CDH13: variants seen among roughly 807,000 people sequenced by gnomAD.
CDH13 encodes the protein cadherin-13.
In CDH13, 24 loss-of-function variants were observed where a neutral mutation model predicts 63.8. That is an observed-to-expected ratio of 0.38 (90% CI 0.27 to 0.53). The LOEUF is 0.53. Among genes scored for constraint, CDH13 ranks in the 20% least tolerant of loss-of-function variants. The probability of loss-of-function intolerance (pLI) is 0.85; values close to 1 mark genes in which losing one functional copy is unlikely to be tolerated. For synonymous variants in CDH13, 503 were observed against 355.3 expected (o/e 1.42, Z -4.67); for missense variants, 1,049 against 903.1 (o/e 1.16, Z -2.07).
intron 2 of CDH13, among the ~76,000 whole-genome samples, chr16:82,950,807 C>CTTTT (rs67534843): frequency 0.11 from 14,090 of 131,698 alleles, 810 homozygotes; most frequent in South Asian, 0.14. Flanking sequence ...ACTCCCACAT[C>CTTTT]TTTTTTTTTT....
At chr16:83,255,206 A>G (rs1001865634) in intron 5 of CDH13, among the ~76,000 whole-genome samples, 3 of 152,182 alleles carry the variant, frequency 2.0e-5, no homozygotes, top group Non-Finnish European at 4.4e-5. Flanking sequence ...TGTGCCAAGT[A>G]TGGGCACATT....
chr16:82,962,541 G>C (rs1205921081), intron 2 of CDH13, among the ~76,000 whole-genome samples: 1 of 152,210 alleles, frequency 6.6e-6, no homozygotes, highest in Non-Finnish European at 1.5e-5. Context: ...GGGTCCATGA[G>C]AAGGGATAGG....
chr16:83,170,838 G>A (rs1329568401), intron 4 of CDH13, among the ~76,000 whole-genome samples: 3 of 152,194 alleles, frequency 2.0e-5, no homozygotes, highest in Non-Finnish European at 1.5e-5. Context: ...TTTTCAACAT[G>A]AGTGACCCTT....
chr16:82,666,360 C>T (rs1912582836), intron 1 of CDH13, among the ~76,000 whole-genome samples: 1 of 152,196 alleles, frequency 6.6e-6, no homozygotes, highest in South Asian at 2.1e-4. Flanking sequence ...CTTTCAAAGG[C>T]AAGGTACCTG....
intron 2 of CDH13, among the ~76,000 whole-genome samples, chr16:83,027,091 A>G (rs951949994): frequency 6.8e-6 from 1 of 147,006 alleles, no homozygotes; most frequent in African/African-American, 2.5e-5. Flanking sequence ...TGCTCACAGC[A>G]CAGAAGGGAG....
chr16:83,279,296 C>G (rs186808108), intron 5 of CDH13, among the ~76,000 whole-genome samples: 216 of 152,088 alleles, frequency 1.4e-3, no homozygotes, highest in African/African-American at 4.9e-3. Flanking sequence ...ATTTCATCCC[C>G]GAGGATTTGT....
rs189586072 is a variant in CDH13 at position 82,971,870 on chromosome 16, C to T, written c.158-60140C>T. Among the ~76,000 whole-genome samples, 131 of 152,206 alleles carry T rather than the reference C, an allele frequency of 8.6e-4. 1 individual carries two copies. Among genetic ancestry groups the T allele is most frequent in the Admixed American group, 1.1e-3 (17 of 15,288 alleles). ...CTTTTGAATCCCAGACTTGCAGGGA[C>T]GGATTCTGCATGGCCTGTACCCTTG... On this transcript the variant is annotated intron_variant, in intron 2 of 13. Transcript: ENST00000567109.
intron 3 of CDH13, among the ~76,000 whole-genome samples, chr16:83,081,355 G>A (rs1461639508): frequency 6.6e-6 from 1 of 152,140 alleles, no homozygotes; most frequent in African/African-American, 2.4e-5. Context: ...TTGAAGACGG[G>A]CATTGAACAC....
At chr16:83,079,174 G>C (rs72796257) in intron 3 of CDH13, among the ~76,000 whole-genome samples, 18,840 of 152,210 alleles carry the variant, frequency 0.12, 1,407 homozygotes, top group Non-Finnish European at 0.16. Context: ...GTTTATAGCA[G>C]TTTTCTACAG....
chr16:82,772,486 G>C (rs148892380), intron 1 of CDH13, among the ~76,000 whole-genome samples: 1 of 152,272 alleles, frequency 6.6e-6, no homozygotes, highest in Non-Finnish European at 1.5e-5. Context: ...AGAGGGAGGG[G>C]AACATGCTGG....
chr16:83,116,105 A>T (rs1352817633), intron 3 of CDH13, among the ~76,000 whole-genome samples: 2 of 152,204 alleles, frequency 1.3e-5, no homozygotes, highest in East Asian at 1.9e-4. Flanking sequence ...GCAGGGACAG[A>T]CAAAACTTGG....
At chr16:82,859,543 G>C (rs377693511) in intron 2 of CDH13, 1 of 151,768 alleles carries the variant, frequency 6.6e-6, no homozygotes, top group Non-Finnish European at 1.5e-5. Context: ...GGGTGACAGA[G>C]CGAGACTGTG....
intron 4 of CDH13, 99 bp from the exon 5 acceptor site, chr16:83,217,246 G>C: frequency 8.4e-7 from 1 of 1,184,870 alleles, no homozygotes. Flanking sequence ...CCATGTGCTG[G>C]CACCTGTGAT....
At chr16:82,964,101 G>C (rs1316808587) in intron 2 of CDH13, among the ~76,000 whole-genome samples, 1 of 152,158 alleles carries the variant, frequency 6.6e-6, no homozygotes, top group Admixed American at 6.5e-5. Flanking sequence ...CGCTGGAACA[G>C]GAGCACACGC....
intron 2 of CDH13, among the ~76,000 whole-genome samples, chr16:82,967,230 C>T (rs531444380): frequency 6.6e-6 from 1 of 152,054 alleles, no homozygotes; most frequent in African/African-American, 2.4e-5. Flanking sequence ...CATGGCTTTA[C>T]CCCATCACAT....
chr16:82,783,657 A>G (rs1880474162), intron 1 of CDH13, among the ~76,000 whole-genome samples: 2 of 152,216 alleles, frequency 1.3e-5, no homozygotes, highest in African/African-American at 2.4e-5. Flanking sequence ...TTGCTTGTTC[A>G]ATGAGATTCT....
At chr16:83,121,977 C>CAT (rs1203573414) in intron 3 of CDH13, among the ~76,000 whole-genome samples, 1 of 151,878 alleles carries the variant, frequency 6.6e-6, no homozygotes. Flanking sequence ...CACACACACA[C>CAT]ACACACACAC....
At chr16:83,378,302 C>T (rs1047923863) in intron 6 of CDH13, among the ~76,000 whole-genome samples, 1 of 152,178 alleles carries the variant, frequency 6.6e-6, no homozygotes, top group African/African-American at 2.4e-5. Context: ...AGAGCTGTAA[C>T]TTACACCTGA....
chr16:83,000,037 C>A (rs1010110050), intron 2 of CDH13, among the ~76,000 whole-genome samples: 2 of 151,802 alleles, frequency 1.3e-5, no homozygotes, highest in African/African-American at 2.4e-5. Flanking sequence ...ACAACAACAA[C>A]AAAAAAATAT....
Sources: allele counts gnomAD v4.1 joint callset (sites outside exome capture counted in the v4.1 genomes callset), GRCh38; gene constraint gnomAD v4.1.1; transcripts MANE v1.5; gene names NCBI Gene and HGNC (gene_info 2026-07-23, HGNC 2026-07-21).